The following ADGRB3 variants were observed in gnomAD, a reference collection of about 807,000 sequenced individuals.
ADGRB3 encodes adhesion G protein-coupled receptor B3.
In ADGRB3, 37 loss-of-function variants were observed where a neutral mutation model predicts 193.4. The observed-to-expected ratio is 0.19, with a 90% CI of 0.15 to 0.25. The LOEUF (loss-of-function observed/expected upper bound fraction) is 0.25. ADGRB3 is among the 10% of genes least tolerant of loss of function. ADGRB3 has a pLI of 1.00. For synonymous variants in ADGRB3, 690 were observed against 644.2 expected (o/e 1.07, Z -1.08); for missense variants, 1,637 against 1,852.9 (o/e 0.88, Z 2.14).
intron 20 of ADGRB3, among the ~76,000 whole-genome samples, chr6:69,239,508 C>T (rs1766341364): frequency 6.6e-6 from 1 of 151,914 alleles, no homozygotes; most frequent in African/African-American, 2.4e-5. Context: ...AGCTTTGGGA[C>T]ATCAAAGCAC....
intron 17 of ADGRB3, among the ~76,000 whole-genome samples, chr6:69,195,306 G>A (rs1478249614): frequency 6.6e-6 from 1 of 151,980 alleles, no homozygotes; most frequent in Non-Finnish European, 1.5e-5. Flanking sequence ...AAGGTGAGAG[G>A]ATCACTTAAG....
chr6:68,896,405 T>A (rs1766219315), intron 3 of ADGRB3, among the ~76,000 whole-genome samples: 1 of 152,142 alleles, frequency 6.6e-6, no homozygotes, highest in African/African-American at 2.4e-5. Flanking sequence ...TATTCTCAGT[T>A]ATTATTTTTT....
intron 10 of ADGRB3, among the ~76,000 whole-genome samples, chr6:68,992,338 G>A (rs1338491625): frequency 6.6e-6 from 1 of 152,122 alleles, no homozygotes; most frequent in Non-Finnish European, 1.5e-5. Flanking sequence ...AAGCAGCACT[G>A]GAGTTCAGCC....
chr6:68,915,735 C>T (rs970447404), intron 3 of ADGRB3, among the ~76,000 whole-genome samples: 2 of 151,830 alleles, frequency 1.3e-5, no homozygotes, highest in South Asian at 4.2e-4. Flanking sequence ...GAGAAGAAAG[C>T]TTGCCTTCTG....
At chr6:69,372,088 C>T (rs1164756272) in intron 29 of ADGRB3, among the ~76,000 whole-genome samples, 1 of 151,994 alleles carries the variant, frequency 6.6e-6, no homozygotes, top group Non-Finnish European at 1.5e-5. Context: ...ATTGAAATGT[C>T]TGTTTGAGTT....
At chr6:68,771,389 C>T (rs62416550) in intron 3 of ADGRB3, among the ~76,000 whole-genome samples, 126 of 12,180 alleles carry the variant, frequency 0.01, no homozygotes, top group Admixed American at 0.033. Context: ...AATATATACA[C>T]ACACACACAC....
At chr6:68,918,795 C>A (rs898449731) in intron 3 of ADGRB3, among the ~76,000 whole-genome samples, 1 of 151,912 alleles carries the variant, frequency 6.6e-6, no homozygotes, top group African/African-American at 2.4e-5. Context: ...TGAAACCAAG[C>A]TTTTTTTTCT....
At chr6:69,339,946 T>A (rs1453233164) in intron 26 of ADGRB3, among the ~76,000 whole-genome samples, 1 of 152,178 alleles carries the variant, frequency 6.6e-6, no homozygotes, top group East Asian at 1.9e-4. Flanking sequence ...ATATATTAAC[T>A]AATACTATTT....
At chr6:68,955,515 C>T (rs1270092074) in intron 6 of ADGRB3, among the ~76,000 whole-genome samples, 1 of 152,134 alleles carries the variant, frequency 6.6e-6, no homozygotes, top group Non-Finnish European at 1.5e-5. Context: ...GGAGGCCAGG[C>T]ATAGTGGCTC....
chr6:69,173,095 T>C (rs951668654), intron 17 of ADGRB3, among the ~76,000 whole-genome samples: 1 of 152,206 alleles, frequency 6.6e-6, no homozygotes, highest in Non-Finnish European at 1.5e-5. Context: ...TAGAGTACAG[T>C]GGTGTGATGT....
Position 69,049,321 on chromosome 6 carries a change from T to C in ADGRB3, c.2308T>C (p.Leu770=), listed in dbSNP as rs755820853. 1.2e-6 allele frequency: 2 copies of C among 1,608,786 alleles called. No homozygotes were observed. The highest frequency in any genetic ancestry group is 2.2e-5 in the South Asian group (2 of 90,468). Residue 770 remains leucine (L), a synonymous_variant, in exon 15 of 32, where the codon TTA becomes CTA. Transcript: ENST00000370598. Reference sequence around the variant, plus strand: ...TCTTGGCGCAGTCCTATACAAAAACTTAGATCTAATTTTGCCCACTTTGAG... The same window carrying C: ...TCTTGGCGCAGTCCTATACAAAAACCTAGATCTAATTTTGCCCACTTTGAG... ...FVLGAVLYKN[L]DLILPTLRNY...
rs1771992944 is a variant in ADGRB3 at position 69,068,974 on chromosome 6, G to T, written c.2436+5938G>T. On this transcript the variant is annotated intron_variant, in intron 16 of 31. Coordinates refer to ENST00000370598, the MANE Select transcript of ADGRB3 (RefSeq NM_001704.3). ...TCTTAGTTTGTCTAGTTTTCAATGT[G>T]ATGAGAATCCTCATAAAATCCATCC... is the stretch of plus-strand genomic sequence containing the variant. Among the ~76,000 whole-genome samples the T allele has an allele frequency of 2.6e-5, 4 of 152,100 alleles. No homozygotes were observed. The South Asian group carries it at 8.3e-4, about 32-fold the overall frequency.
chr6:69,348,991 G>C (rs1402383917), intron 26 of ADGRB3, among the ~76,000 whole-genome samples: 13 of 152,174 alleles, frequency 8.5e-5, no homozygotes, highest in Admixed American at 8.5e-4. Context: ...ATGAAGACTA[G>C]CTTTCAAGTC....
At chr6:68,771,433 C>A (rs1056139429) in intron 3 of ADGRB3, among the ~76,000 whole-genome samples, 1 of 151,790 alleles carries the variant, frequency 6.6e-6, no homozygotes, top group African/African-American at 2.4e-5. Context: ...CACACACATA[C>A]ATATGTTTGC....
chr6:68,716,110 C>A (rs959518095), intron 3 of ADGRB3, among the ~76,000 whole-genome samples: 1 of 151,696 alleles, frequency 6.6e-6, no homozygotes, highest in Non-Finnish European at 1.5e-5. Context: ...TTATACAAAT[C>A]ATAATTGGTA....
At chr6:68,809,256 ATT>A (rs1353829735) in intron 3 of ADGRB3, among the ~76,000 whole-genome samples, 1 of 152,140 alleles carries the variant, frequency 6.6e-6, no homozygotes, top group African/African-American at 2.4e-5. Context: ...CTTACAGAGT[ATT>A]TTTTTCAGAG....
intron 17 of ADGRB3, among the ~76,000 whole-genome samples, chr6:69,201,622 A>C (rs1765418169): frequency 6.6e-6 from 1 of 151,962 alleles, no homozygotes; most frequent in Non-Finnish European, 1.5e-5. Context: ...TATCTTCCTT[A>C]TATGCCTGTG....
At chr6:68,943,425 G>T (rs1433482454) in intron 5 of ADGRB3, among the ~76,000 whole-genome samples, 1 of 151,932 alleles carries the variant, frequency 6.6e-6, no homozygotes, top group Non-Finnish European at 1.5e-5. Flanking sequence ...ATTATGTTGG[G>T]CCTTGGCTAT....
chr6:68,733,349 A>G (rs1341695457), intron 3 of ADGRB3, among the ~76,000 whole-genome samples: 1 of 144,760 alleles, frequency 6.9e-6, no homozygotes, highest in East Asian at 2.0e-4. Context: ...TGCAACGTAG[A>G]TGCAGCCTGA....
Sources: allele counts gnomAD v4.1 joint callset (sites outside exome capture counted in the v4.1 genomes callset), GRCh38; gene constraint gnomAD v4.1.1; transcripts MANE v1.5; gene names NCBI Gene and HGNC (gene_info 2026-07-23, HGNC 2026-07-21).